The following BACH2 variants were observed in gnomAD, a reference collection of about 807,000 sequenced individuals.
The protein encoded by BACH2 is BACH transcriptional regulator 2.
In BACH2, 5 loss-of-function variants were observed where a neutral mutation model predicts 61.8. That is an observed-to-expected ratio of 0.08 (90% CI 0.04 to 0.17). The LOEUF (loss-of-function observed/expected upper bound fraction) is 0.17. Ranked by LOEUF, BACH2 falls within the 10% of genes least tolerant of loss-of-function variation. The pLI is 1.00. For missense variants in BACH2, 824 were observed against 1,091.1 expected (o/e 0.76, Z 3.45); for synonymous variants, 446 against 440.1 (o/e 1.01, Z -0.17).
chr6:90,217,074 A>C (rs1769562312), intron 3 of BACH2, among the ~76,000 whole-genome samples: 1 of 152,160 alleles, frequency 6.6e-6, no homozygotes, highest in South Asian at 2.1e-4. Context: ...ACAACCATAA[A>C]AATTTACCAG....
intron 3 of BACH2, among the ~76,000 whole-genome samples, chr6:90,247,205 T>G (rs1373772624): frequency 6.6e-6 from 1 of 152,080 alleles, no homozygotes; most frequent in African/African-American, 2.4e-5. Flanking sequence ...ACATTTGACA[T>G]GTAATATATT....
At chr6:90,045,933 G>A (rs1052615744) in intron 5 of BACH2, among the ~76,000 whole-genome samples, 9 of 152,092 alleles carry the variant, frequency 5.9e-5, no homozygotes, top group Admixed American at 1.3e-4. Flanking sequence ...CATTCCCATA[G>A]TCTTACAGGC....
At chr6:90,259,726 A>T (rs1198014267) in intron 2 of BACH2, among the ~76,000 whole-genome samples, 3 of 152,068 alleles carry the variant, frequency 2.0e-5, no homozygotes, top group Middle Eastern at 3.4e-3. Context: ...GAGGTTTTTC[A>T]TTACTTCTCC....
At chr6:90,295,573 C>T (rs1039293534) in intron 1 of BACH2, among the ~76,000 whole-genome samples, 2 of 152,132 alleles carry the variant, frequency 1.3e-5, no homozygotes, top group African/African-American at 4.8e-5. Flanking sequence ...AGCGCCTCGA[C>T]GCGGGGACGG....
intron 5 of BACH2, among the ~76,000 whole-genome samples, chr6:90,078,420 TA>T (rs543404431): frequency 1.3e-5 from 2 of 151,746 alleles, no homozygotes; most frequent in East Asian, 3.9e-4. Flanking sequence ...AACAGCAAAA[TA>T]AAAAAAACAA....
chr6:90,028,490 T>C (rs375376453), intron 5 of BACH2, among the ~76,000 whole-genome samples: 2 of 152,228 alleles, frequency 1.3e-5, no homozygotes, highest in African/African-American at 4.8e-5. Flanking sequence ...ATCAGAATCC[T>C]CTTTCATCAT....
At chr6:89,937,939 A>G (rs1584501317) in intron 8 of BACH2, among the ~76,000 whole-genome samples, 1 of 152,128 alleles carries the variant, frequency 6.6e-6, no homozygotes, top group Non-Finnish European at 1.5e-5. Flanking sequence ...ACCTGCGCGC[A>G]TGCATGCGCG....
chr6:90,209,393 GA>G (rs1769266820), intron 3 of BACH2, among the ~76,000 whole-genome samples: 1 of 152,066 alleles, frequency 6.6e-6, no homozygotes, highest in Non-Finnish European at 1.5e-5. Flanking sequence ...TAAAGTGACT[GA>G]AAAAAATAAT....
At chr6:90,077,914 T>G (rs770444492) in intron 5 of BACH2, among the ~76,000 whole-genome samples, 4 of 152,202 alleles carry the variant, frequency 2.6e-5, no homozygotes. Context: ...AAAAAAGTTA[T>G]GTCCACAATT....
chr6:89,943,438 TGTAA>T (rs778460537), intron 7 of BACH2, among the ~76,000 whole-genome samples: 50 of 151,782 alleles, frequency 3.3e-4, no homozygotes, highest in Non-Finnish European at 4.6e-4. Context: ...TAGATTATTC[TGTAA>T]GTATTATATA....
At chr6:90,189,874 A>G (rs1333172705) in intron 4 of BACH2, among the ~76,000 whole-genome samples, 2 of 152,196 alleles carry the variant, frequency 1.3e-5, no homozygotes, top group East Asian at 3.8e-4. Flanking sequence ...ATGGCAGTGA[A>G]AGAACCAAAG....
chr6:89,974,522 C>T (rs567379663), intron 6 of BACH2, among the ~76,000 whole-genome samples: 10 of 152,252 alleles, frequency 6.6e-5, no homozygotes, highest in South Asian at 2.1e-4. Flanking sequence ...CCATATATCA[C>T]GGGAGAAAAA....
At chr6:90,074,367 T>C (rs186903805) in intron 5 of BACH2, among the ~76,000 whole-genome samples, 193 of 152,292 alleles carry the variant, frequency 1.3e-3, no homozygotes, top group Non-Finnish European at 2.2e-3. Context: ...TTTGCATTTT[T>C]CCCCTCAACA....
chr6:90,277,446 C>T lies in BACH2; in HGVS notation c.-445-5505G>A, dbSNP rs571357762. Among the ~76,000 whole-genome samples the T allele has an allele frequency of 2.4e-4, 37 of 152,266 alleles. No individual in the cohort carries two copies. The South Asian group carries it at 7.7e-3, about 32-fold the overall frequency. On this transcript the variant is annotated intron_variant, in intron 1 of 8. Transcript: ENST00000257749. ...AAGTTCAAAAACAGGCAAAGCAAATCTATGCTTTCCCAAGTCAGAGTAGTG... is the reference window on the plus strand; with the variant it reads ...AAGTTCAAAAACAGGCAAAGCAAATTTATGCTTTCCCAAGTCAGAGTAGTG...
At chr6:90,251,501 A>G (rs1770809651) in intron 3 of BACH2, among the ~76,000 whole-genome samples, 1 of 96,500 alleles carries the variant, frequency 1.0e-5, no homozygotes, top group Non-Finnish European at 3.1e-5. Context: ...TCTGAAAACC[A>G]TTAGTTTAGC....
At chr6:90,090,473 CACAG>C (rs910960308) in intron 4 of BACH2, among the ~76,000 whole-genome samples, 1 of 152,098 alleles carries the variant, frequency 6.6e-6, no homozygotes, top group African/African-American at 2.4e-5. Flanking sequence ...TGAACCTTAT[CACAG>C]ACAGAGAAAA....
At chr6:90,032,379 T>G (rs2127788374) in intron 5 of BACH2, among the ~76,000 whole-genome samples, 1 of 131,030 alleles carries the variant, frequency 7.6e-6, no homozygotes, top group Non-Finnish European at 1.6e-5. Flanking sequence ...ACTAAAGAGC[T>G]TCTGCACAGC....
chr6:90,223,586 A>G (rs1769813571), intron 3 of BACH2, among the ~76,000 whole-genome samples: 1 of 152,020 alleles, frequency 6.6e-6, no homozygotes, highest in African/African-American at 2.4e-5. Context: ...CTCTCACCTC[A>G]GCCTCCCAAG....
At chr6:90,118,805 G>A (rs946307120) in intron 4 of BACH2, among the ~76,000 whole-genome samples, 1 of 152,152 alleles carries the variant, frequency 6.6e-6, no homozygotes, top group African/African-American at 2.4e-5. Flanking sequence ...GCACAGTACA[G>A]TACAGTACAG....
Sources: gnomAD v4.1 joint callset for allele counts (sites outside exome capture counted in the v4.1 genomes callset) on GRCh38, gnomAD v4.1.1 for gene constraint, MANE v1.5 for transcripts, NCBI Gene and HGNC (gene_info 2026-07-23, HGNC 2026-07-21) for gene names.